Variants in RUNX1 observed in about 807,000 individuals in gnomAD.
RUNX1 encodes runt-related transcription factor 1.
A neutral mutation model predicts 42.8 loss-of-function variants in RUNX1; 19 were observed. The observed-to-expected ratio is 0.44, with a 90% confidence interval of 0.31 to 0.65. The LOEUF is 0.65. Among genes scored for constraint, RUNX1 ranks in the 30% least tolerant of loss-of-function variants. RUNX1 has a pLI of 0.07. For synonymous variants in RUNX1, 271 were observed against 289.4 expected, an observed-to-expected ratio of 0.94 and a Z score of 0.64; for missense variants, 528 against 672.0, an observed-to-expected ratio of 0.79 and a Z score of 2.37.
rs116281984 is a variant in RUNX1, at chr21:34,912,323, C to T, written c.59-19360G>A. Among the ~76,000 whole-genome samples the T allele has an allele frequency of 3.0e-3, 447 of 151,432 alleles. 2 individuals are homozygous for T. The highest frequency in any genetic ancestry group is 0.01 in the African/African-American group (429 of 41,202). On this transcript the variant is annotated intron_variant, in intron 2 of 8. Transcript: ENST00000675419. ...CTTCTATCACTGGGTGGCAGTAAGG[C>T]TAGAAGCCTGGGAAATCTCCATCAC... is the stretch of plus-strand genomic sequence containing the variant.
At chr21:34,892,620 G>C (rs1050711801) in intron 3 of RUNX1, among the ~76,000 whole-genome samples, 1 of 152,156 alleles carries the variant, frequency 6.6e-6, no homozygotes, top group African/African-American at 2.4e-5. Flanking sequence ...GGGCTGTGAG[G>C]GAAGCCAAGC....
At chr21:34,809,006 C>T (rs2056721741) in intron 7 of RUNX1, among the ~76,000 whole-genome samples, 1 of 152,164 alleles carries the variant, frequency 6.6e-6, no homozygotes. Flanking sequence ...CTGCCTCCTC[C>T]CTTGCAGACA....
chr21:34,909,648 AC>A (rs1366610795), intron 2 of RUNX1, among the ~76,000 whole-genome samples: 1 of 83,652 alleles, frequency 1.2e-5, no homozygotes. Context: ...CTCCAGAGTG[AC>A]CTCTTCAGCT....
At chr21:34,839,272 G>C (rs530361030) in intron 6 of RUNX1, among the ~76,000 whole-genome samples, 1 of 151,076 alleles carries the variant, frequency 6.6e-6, no homozygotes, top group East Asian at 1.9e-4. Flanking sequence ...TGTACACTCA[G>C]TGCACCTAGA....
In RUNX1 at chr21:35,040,770, C is replaced by CAA. The variant is rs1568808489; in HGVS notation, c.58+8071_58+8072insTT. ...TGGTGACAGAGCTAGTAGACTCCAT[C>CAA]CAAAAAAAAAAAAAAAAAAAAAAAC... On this transcript the variant is annotated intron_variant, in intron 2 of 8. Transcript: ENST00000675419. Among the ~76,000 whole-genome samples the CAA allele has an allele frequency of 1.7e-3, 86 of 50,918 alleles. 21 individuals are homozygous for CAA. The highest frequency in any genetic ancestry group is 1.7e-3 in the Non-Finnish European group (36 of 20,974). 33.4% of individuals were successfully genotyped at this position (50,918 alleles called of 152,430 possible).
At position 34,892,957 on chromosome 21, in the gene RUNX1, A is replaced by T. The variant is rs749430925; in HGVS notation, c.65T>A (p.Ile22Lys). The T allele has an allele frequency of 4.2e-5, 66 of 1,575,954 alleles. No homozygotes were observed. In the Admixed American group the frequency reaches 1.1e-3, roughly 26 times the overall value. The change falls in exon 3 of 9, where the codon ATA becomes AAA. Residue 22 changes from isoleucine to lysine, a missense_variant. This residue lies in a region of RUNX1 where 114 missense variants were observed against 115.0 expected (regional missense o/e 0.99). Coordinates refer to ENST00000675419, the MANE Select transcript of RUNX1 (RefSeq NM_001754.5). The stretch of plus-strand genomic sequence containing the variant: ...GTCTCTAGAAGGATTCATTCCAAGT[A>T]TGCATTCTGAAATAACAGAAAGTAG... ...SYPQCFMREC[I>K]LGMNPSRDVH...
intron 2 of RUNX1, among the ~76,000 whole-genome samples, chr21:34,913,879 G>A (rs913300875): frequency 1.3e-5 from 2 of 152,160 alleles, no homozygotes; most frequent in African/African-American, 4.8e-5. Flanking sequence ...TCTATAAAAG[G>A]AAAGGCTTTT....
intron 2 of RUNX1, among the ~76,000 whole-genome samples, chr21:35,017,922 C>G (rs2059171059): frequency 6.6e-6 from 1 of 152,160 alleles, no homozygotes; most frequent in South Asian, 2.1e-4. Flanking sequence ...TTGGGTCCAG[C>G]AAGGGCACCC....
chr21:34,940,322 A>C (rs2058517451), intron 2 of RUNX1, among the ~76,000 whole-genome samples: 1 of 152,196 alleles, frequency 6.6e-6, no homozygotes, highest in Non-Finnish European at 1.5e-5. Context: ...TGATCTCCCA[A>C]GTGGTACACA....
intron 5 of RUNX1, among the ~76,000 whole-genome samples, chr21:34,861,569 CT>C (rs944675321): frequency 1.1e-4 from 16 of 152,196 alleles, no homozygotes; most frequent in African/African-American, 3.6e-4. Context: ...GATCTTCTCA[CT>C]AATAAGACCC....
At chr21:34,838,014 GC>G (rs992990784) in intron 6 of RUNX1, among the ~76,000 whole-genome samples, 12 of 152,308 alleles carry the variant, frequency 7.9e-5, no homozygotes, top group African/African-American at 2.6e-4. Flanking sequence ...ATAAGTCAAT[GC>G]CGTTTGCAAA....
At chr21:35,010,299 TAAC>T (rs1168662092) in intron 2 of RUNX1, among the ~76,000 whole-genome samples, 1 of 152,180 alleles carries the variant, frequency 6.6e-6, no homozygotes, top group Non-Finnish European at 1.5e-5. Flanking sequence ...TTTGGGGTAG[TAAC>T]AACAACTGCT....
chr21:34,903,503 A>G (rs2058193613), intron 2 of RUNX1, among the ~76,000 whole-genome samples: 1 of 152,228 alleles, frequency 6.6e-6, no homozygotes, highest in African/African-American at 2.4e-5. Context: ...GAAAGGGAAT[A>G]TAGAAGCTTT....
At chr21:34,944,400 T>C (rs1381497633) in intron 2 of RUNX1, among the ~76,000 whole-genome samples, 2 of 152,268 alleles carry the variant, frequency 1.3e-5, no homozygotes, top group Non-Finnish European at 1.5e-5. Flanking sequence ...TAAAGTTGTA[T>C]AGATTCAGAC....
At chr21:34,880,499 A>C in intron 5 of RUNX1, 58 bp downstream of exon 5, 2 of 1,562,064 alleles carry the variant, frequency 1.3e-6, no homozygotes, top group Non-Finnish European at 1.8e-6. Context: ...TAGAATTTTG[A>C]AATGTGGGTT....
rs60688911 is a variant in RUNX1 at position 34,882,690 on chromosome 21, GT to G, written c.352-1978del. Among the ~76,000 whole-genome samples the G allele has an allele frequency of 7.9e-3, 1,104 of 139,716 alleles. 5 individuals are homozygous for G. Among genetic ancestry groups the G allele is most frequent in the East Asian group, 0.042 (200 of 4,784 alleles). The allele number at this position is 139,716 out of a possible 152,430, so 91.7% of individuals were successfully genotyped here. Reference sequence around the variant, plus strand: ...GATCAGTTATTTGGTTATTGCTACTGTTTTTTTTTTTTTTCTATTCCCGAAA... The same window carrying G: ...GATCAGTTATTTGGTTATTGCTACTGTTTTTTTTTTTTTCTATTCCCGAAA... On this transcript the variant is annotated intron_variant, in intron 4 of 8. Transcript: ENST00000675419.
rs556338976 is a variant in RUNX1, at chr21:35,009,505, A to C, written c.58+39337T>G. On this transcript the variant is annotated intron_variant, in intron 2 of 8. Transcript: ENST00000675419. ...TCAATGCAATTTTAGTGTTAATTAC[A>C]CATTATTATATTCCTGGGATAAGAC... 7.2e-5 allele frequency among the ~76,000 whole-genome samples: 11 copies of C among 152,328 alleles called. No homozygotes were observed. In the South Asian group the frequency reaches 2.1e-3, roughly 29 times the overall value.
chr21:34,870,458 G>A (rs2057721015), intron 5 of RUNX1, among the ~76,000 whole-genome samples: 1 of 152,246 alleles, frequency 6.6e-6, no homozygotes, highest in Admixed American at 6.5e-5. Flanking sequence ...AATGGCTTCA[G>A]AGATTTCTGG....
At chr21:34,996,519 G>A (rs1236761098) in intron 2 of RUNX1, among the ~76,000 whole-genome samples, 1 of 152,054 alleles carries the variant, frequency 6.6e-6, no homozygotes, top group Admixed American at 6.5e-5. Flanking sequence ...CCCACGAGAT[G>A]CTGGGGGTGT....
Sources: allele counts gnomAD v4.1 joint callset (sites outside exome capture counted in the v4.1 genomes callset), GRCh38; gene constraint gnomAD v4.1.1; regional missense constraint gnomAD v4.1.1; transcripts MANE v1.5; gene names NCBI Gene and HGNC (gene_info 2026-07-23, HGNC 2026-07-21).